MSI2: variants seen among roughly 807,000 people sequenced by gnomAD.
MSI2 encodes musashi RNA binding protein 2, also known as RNA-binding protein Musashi homolog 2.
In MSI2, 17 loss-of-function variants were observed where a neutral mutation model predicts 45.6. The observed-to-expected ratio is 0.37, with a 90% CI of 0.26 to 0.56. The LOEUF is 0.56. MSI2 is among the 20% of genes least tolerant of loss of function. The pLI, the probability that MSI2 is intolerant of heterozygous loss-of-function variation, is 0.77. For missense variants in MSI2, 293 were observed against 444.2 expected (o/e 0.66, Z 3.06); for synonymous variants, 156 against 158.2 (o/e 0.99, Z 0.11).
intron 6 of MSI2, among the ~76,000 whole-genome samples, chr17:57,473,662 C>G (rs896427084): frequency 5.3e-5 from 8 of 152,234 alleles, no homozygotes; most frequent in African/African-American, 1.9e-4. Context: ...CGGAACCTTC[C>G]TCTCACCACT....
At chr17:57,554,602 A>C (rs2087388569) in intron 7 of MSI2, among the ~76,000 whole-genome samples, 1 of 152,256 alleles carries the variant, frequency 6.6e-6, no homozygotes, top group African/African-American at 2.4e-5. Flanking sequence ...ATTGTTTTTA[A>C]CAAGGATGAT....
At chr17:57,667,867 G>A (rs1912488858) in intron 11 of MSI2, among the ~76,000 whole-genome samples, 1 of 152,168 alleles carries the variant, frequency 6.6e-6, no homozygotes, top group African/African-American at 2.4e-5. Context: ...TGGGGCTTGA[G>A]ATACACTTAC....
At chr17:57,473,727 A>T (rs2085484609) in intron 6 of MSI2, among the ~76,000 whole-genome samples, 1 of 152,160 alleles carries the variant, frequency 6.6e-6, no homozygotes, top group South Asian at 2.1e-4. Flanking sequence ...TTGCCCCTGG[A>T]ATCCAGCTAC....
intron 5 of MSI2, among the ~76,000 whole-genome samples, chr17:57,333,071 A>G (rs1258481892): frequency 2.6e-5 from 4 of 152,108 alleles, no homozygotes; most frequent in Admixed American, 1.3e-4. Context: ...GTCAGATGCC[A>G]GGGCTCAAAT....
At chr17:57,522,179 G>A (rs1370991156) in intron 6 of MSI2, 1 of 151,810 alleles carries the variant, frequency 6.6e-6, no homozygotes, top group Non-Finnish European at 1.5e-5. Flanking sequence ...TCACTCTTGT[G>A]GCCTTAGCTC....
chr17:57,395,711 C>G (rs1393929170), intron 5 of MSI2, among the ~76,000 whole-genome samples: 1 of 152,184 alleles, frequency 6.6e-6, no homozygotes, highest in African/African-American at 2.4e-5. Context: ...ACTTAATTCT[C>G]AAATGCAGAC....
At chr17:57,433,866 TG>T (rs2084644781) in intron 6 of MSI2, among the ~76,000 whole-genome samples, 1 of 152,264 alleles carries the variant, frequency 6.6e-6, no homozygotes, top group Admixed American at 6.5e-5. Flanking sequence ...CAGTGTTTTT[TG>T]TATGATGTGA....
At chr17:57,258,975 G>C (rs966239127) in intron 4 of MSI2, among the ~76,000 whole-genome samples, 1 of 151,986 alleles carries the variant, frequency 6.6e-6, no homozygotes. Context: ...TTCTTTCTCA[G>C]ATCCTTTCAT....
rs77776552 is a variant in MSI2 at position 57,644,083 on chromosome 17, G to A, written c.728-8016G>A. Among the ~76,000 whole-genome samples, 51 of 152,304 alleles carry A rather than the reference G, an allele frequency of 3.3e-4. 1 individual carries two copies. The East Asian group carries it at 8.9e-3, about 27-fold the overall frequency. ...GCACCCCCTTCCCCAACCAGCAGCC[G>A]CAACCTTCTCTGTCTGGGGGTCCCC... On this transcript the variant is annotated intron_variant, in intron 10 of 13. Coordinates refer to ENST00000284073, the MANE Select transcript of MSI2 (RefSeq NM_138962.4).
intron 6 of MSI2, among the ~76,000 whole-genome samples, chr17:57,518,202 A>T (rs1200673585): frequency 6.6e-6 from 1 of 152,146 alleles, no homozygotes. Context: ...TCATCCCATT[A>T]TCAAGCCATG....
chr17:57,341,218 G>A (rs1915118800), intron 5 of MSI2, among the ~76,000 whole-genome samples: 1 of 152,178 alleles, frequency 6.6e-6, no homozygotes, highest in South Asian at 2.1e-4. Context: ...GCTCAGTGTG[G>A]CCCCAGCATC....
rs976555742 is a variant in MSI2 at position 57,434,712 on chromosome 17, C to G, written c.405+33241C>G. Among the ~76,000 whole-genome samples, 33 of 152,116 alleles carry G rather than the reference C, an allele frequency of 2.2e-4. 1 individual carries two copies. On this transcript the variant is annotated intron_variant, in intron 6 of 13. Transcript: ENST00000284073. ...TTAGGATAATGTCCTCTAGGTTCAT[C>G]CATGTTGTTTCAAAGGATGTAATTT...
chr17:57,453,946 A>G (rs568275809), intron 6 of MSI2, among the ~76,000 whole-genome samples: 8 of 152,192 alleles, frequency 5.3e-5, no homozygotes, highest in Non-Finnish European at 1.0e-4. Flanking sequence ...TATCTTTCTC[A>G]TCAAAAACCA....
chr17:57,282,322 G>T (rs533567263), intron 5 of MSI2, among the ~76,000 whole-genome samples: 18 of 152,098 alleles, frequency 1.2e-4, no homozygotes, highest in Non-Finnish European at 2.2e-4. Context: ...GTTTCTATTT[G>T]TTAGCCTTGC....
intron 6 of MSI2, among the ~76,000 whole-genome samples, chr17:57,502,634 TA>T: frequency 7.7e-6 from 1 of 129,946 alleles, no homozygotes; most frequent in East Asian, 2.2e-4. Flanking sequence ...TATATATATA[TA>T]TAGTCATCAT....
chr17:57,404,119 A>AT (rs2084042515), intron 6 of MSI2, among the ~76,000 whole-genome samples: 2 of 152,038 alleles, frequency 1.3e-5, no homozygotes, highest in Non-Finnish European at 2.9e-5. Context: ...ATTTACTCAC[A>AT]TTATCTCATT....
downstream of MSI2, among the ~76,000 whole-genome samples, chr17:57,686,725 C>T (rs1913892776): frequency 6.6e-6 from 1 of 151,928 alleles, no homozygotes; most frequent in Non-Finnish European, 1.5e-5. Context: ...CTCTTATGTC[C>T]CAATTATCAG....
At chr17:57,356,949 T>C (rs1916466094) in intron 5 of MSI2, among the ~76,000 whole-genome samples, 1 of 152,200 alleles carries the variant, frequency 6.6e-6, no homozygotes, top group African/African-American at 2.4e-5. Context: ...CTTATTCGTG[T>C]GCAAATTGGT....
chr17:57,674,641 A>G (rs1211366412), intron 11 of MSI2, among the ~76,000 whole-genome samples: 2 of 150,836 alleles, frequency 1.3e-5, no homozygotes, highest in Non-Finnish European at 3.0e-5. Context: ...ATATATCTCT[A>G]TTTCTATTGT....
Sources: allele counts gnomAD v4.1 joint callset (sites outside exome capture counted in the v4.1 genomes callset), GRCh38; gene constraint gnomAD v4.1.1; transcripts MANE v1.5; gene names NCBI Gene and HGNC (gene_info 2026-07-23, HGNC 2026-07-21).